The following COL24A1 variants were observed in gnomAD, a reference collection of about 807,000 sequenced individuals.
The protein encoded by COL24A1 is collagen alpha-1(XXIV) chain.
A neutral mutation model predicts 253.9 loss-of-function variants in COL24A1; 224 were observed. The ratio of observed to expected loss-of-function variants is 0.88; its 90% CI spans 0.79 to 0.99. The LOEUF (loss-of-function observed/expected upper bound fraction) is 0.99, where lower values mean the gene tolerates loss of function less well. Ranked by LOEUF, COL24A1 falls within the 50% of genes least tolerant of loss-of-function variation. COL24A1 has a pLI of 0.00. For missense variants in COL24A1, 2,131 were observed against 2,068.5 expected (o/e 1.03, Z -0.59); for synonymous variants, 685 against 673.7 (o/e 1.02, Z -0.26).
At chr1:86,031,812 A>G in intron 14 of COL24A1, 66 bp downstream of exon 14, 6 of 1,323,052 alleles carry the variant, frequency 4.5e-6, no homozygotes. Flanking sequence ...TCAAAAACAC[A>G]TCTAACACAT....
At chr1:86,007,270 T>A (rs925594737) in intron 19 of COL24A1, among the ~76,000 whole-genome samples, 55 of 152,032 alleles carry the variant, frequency 3.6e-4, no homozygotes, top group African/African-American at 1.3e-3. Context: ...CAAAACCCAG[T>A]GTGGTGCCAC....
chr1:86,113,289 C>T (rs571622409), intron 4 of COL24A1, among the ~76,000 whole-genome samples: 1 of 152,250 alleles, frequency 6.6e-6, no homozygotes, highest in South Asian at 2.1e-4. Context: ...GCGCATACAA[C>T]CAGTAAGTAG....
Position 85,818,086 on chromosome 1 carries a change from C to T in COL24A1, c.3791G>A (p.Gly1264Asp). 6.2e-7 allele frequency: 1 copy of T among 1,613,130 alleles called. No individual in the cohort carries two copies. The highest frequency in any genetic ancestry group is 8.5e-7 in the Non-Finnish European group (1 of 1,179,152). The change falls in exon 46 of 60, where the codon GGT becomes GAT. Residue 1264 changes from glycine to aspartate, a missense_variant and splice_region_variant. Transcript: ENST00000370571. ...QGLKGERGSE[G>D]NKGKKGAPGP... The stretch of plus-strand genomic sequence containing the variant: ...AGGAGCTCCTTTTTTCCCCTTATTA[C>T]CCTAAAGATGGAAAGCACAGTTGTC...
intron 19 of COL24A1, among the ~76,000 whole-genome samples, chr1:86,000,262 A>C (rs997406785): frequency 6.6e-6 from 1 of 152,180 alleles, no homozygotes; most frequent in Non-Finnish European, 1.5e-5. Flanking sequence ...CTTAATTCTC[A>C]CATGATGCCT....
At chr1:85,780,767 C>T (rs374612643) in intron 52 of COL24A1, among the ~76,000 whole-genome samples, 14 of 152,300 alleles carry the variant, frequency 9.2e-5, no homozygotes, top group African/African-American at 3.4e-4. Context: ...TCTTCTACTG[C>T]AATTTATTCT....
At chr1:85,815,051 G>A (rs1672922107) in intron 47 of COL24A1, among the ~76,000 whole-genome samples, 2 of 151,892 alleles carry the variant, frequency 1.3e-5, no homozygotes, top group African/African-American at 4.8e-5. Flanking sequence ...AAACTATTGG[G>A]TCCATCCACC....
intron 39 of COL24A1, among the ~76,000 whole-genome samples, chr1:85,845,628 G>A: frequency 6.6e-6 from 1 of 151,664 alleles, no homozygotes; most frequent in East Asian, 1.9e-4. Context: ...ATCCCTATGA[G>A]AATCATCTAC....
At chr1:85,839,130 T>C (rs1320903400) in intron 42 of COL24A1, among the ~76,000 whole-genome samples, 1 of 151,968 alleles carries the variant, frequency 6.6e-6, no homozygotes, top group Non-Finnish European at 1.5e-5. Flanking sequence ...GCCCAGGAGG[T>C]CGAGGTTGCA....
intron 33 of COL24A1, among the ~76,000 whole-genome samples, chr1:85,875,760 C>CACAT (rs1553209847): frequency 1.2e-4 from 17 of 140,804 alleles, no homozygotes; most frequent in Admixed American, 5.7e-4. Flanking sequence ...CACACACACA[C>CACAT]ACACACAGAG....
chr1:85,786,527 A>G, intron 47 of COL24A1, 66 bp from the exon 48 acceptor site: 1 of 1,440,072 alleles, frequency 6.9e-7, no homozygotes, highest in Admixed American at 1.9e-5. Flanking sequence ...GAGGCTCAAT[A>G]AAATGTAGGA....
chr1:85,901,539 G>A (rs1684290811), intron 28 of COL24A1, among the ~76,000 whole-genome samples: 1 of 152,072 alleles, frequency 6.6e-6, no homozygotes, highest in African/African-American at 2.4e-5. Flanking sequence ...CCTGGGTGTG[G>A]TGGCTCATGC....
intron 2 of COL24A1, among the ~76,000 whole-genome samples, chr1:86,127,646 A>G (rs1056126630): frequency 6.7e-6 from 1 of 149,522 alleles, no homozygotes; most frequent in Admixed American, 6.7e-5. Flanking sequence ...ATCATCTCCA[A>G]CCAGAAATGT....
chr1:86,040,246 C>T (rs1199810651), intron 12 of COL24A1, among the ~76,000 whole-genome samples: 1 of 152,060 alleles, frequency 6.6e-6, no homozygotes, highest in Non-Finnish European at 1.5e-5. Flanking sequence ...CTAGGCCTAA[C>T]TGCCATATAT....
intron 19 of COL24A1, among the ~76,000 whole-genome samples, chr1:86,007,967 G>A (rs1002820480): frequency 1.3e-5 from 2 of 152,122 alleles, no homozygotes; most frequent in African/African-American, 4.8e-5. Flanking sequence ...TATGGACCTT[G>A]GGTGATAGTT....
intron 24 of COL24A1, among the ~76,000 whole-genome samples, chr1:85,935,957 C>G (rs773585472): frequency 6.8e-6 from 1 of 147,408 alleles, no homozygotes; most frequent in Non-Finnish European, 1.5e-5. Context: ...CTGATTAAGG[C>G]GGGGTATAAA....
At chr1:86,013,097 A>C (rs921073064) in intron 19 of COL24A1, among the ~76,000 whole-genome samples, 1 of 152,240 alleles carries the variant, frequency 6.6e-6, no homozygotes, top group Admixed American at 6.5e-5. Context: ...AGATGAGGAA[A>C]GGCCCAGGGA....
chr1:85,797,227 A>AG (rs1670924249), intron 47 of COL24A1, among the ~76,000 whole-genome samples: 1 of 151,654 alleles, frequency 6.6e-6, no homozygotes, highest in Admixed American at 6.6e-5. Flanking sequence ...AAAAAAAAAA[A>AG]AAAGAACATT....
At chr1:86,117,627 G>C (rs1353645028) in intron 3 of COL24A1, among the ~76,000 whole-genome samples, 1 of 151,984 alleles carries the variant, frequency 6.6e-6, no homozygotes, top group Non-Finnish European at 1.5e-5. Context: ...ATTCTCACAT[G>C]TCTTCATAAT....
intron 7 of COL24A1, among the ~76,000 whole-genome samples, chr1:86,076,570 G>T (rs1253221644): frequency 6.6e-6 from 1 of 152,110 alleles, no homozygotes; most frequent in East Asian, 1.9e-4. Flanking sequence ...ACAAAAAAGA[G>T]CCCTATGGCC....
Sources: allele counts gnomAD v4.1 joint callset (sites outside exome capture counted in the v4.1 genomes callset), GRCh38; gene constraint gnomAD v4.1.1; transcripts MANE v1.5; gene names NCBI Gene and HGNC (gene_info 2026-07-23, HGNC 2026-07-21).